Variants in KCNB2 observed in about 807,000 individuals in gnomAD.
KCNB2 encodes the protein potassium voltage-gated channel subfamily B member 2, also known as delayed rectifier potassium channel protein.
In KCNB2, 15 loss-of-function variants were observed where a neutral mutation model predicts 61.5. The observed-to-expected ratio is 0.24, with a 90% CI of 0.16 to 0.38. The LOEUF is 0.38. KCNB2 is among the 10% of genes least tolerant of loss of function. KCNB2 has a pLI of 1.00. For missense variants in KCNB2, 828 were observed against 1,125.2 expected, an observed-to-expected ratio of 0.74 and a Z score of 3.78; for synonymous variants, 457 against 446.0, an observed-to-expected ratio of 1.02 and a Z score of -0.31.
chr8:72,625,733 A>G (rs1805779786), intron 2 of KCNB2, among the ~76,000 whole-genome samples: 1 of 152,182 alleles, frequency 6.6e-6, no homozygotes, highest in Non-Finnish European at 1.5e-5. Context: ...ACCCAGAAAA[A>G]TGAGCATTTC....
intron 2 of KCNB2, among the ~76,000 whole-genome samples, chr8:72,669,667 T>C (rs1806531342): frequency 6.6e-6 from 1 of 152,204 alleles, no homozygotes; most frequent in Non-Finnish European, 1.5e-5. Flanking sequence ...TGAGAGACTG[T>C]AGTACTTTTA....
At chr8:72,779,177 C>T (rs762571744) in intron 2 of KCNB2, among the ~76,000 whole-genome samples, 9 of 152,116 alleles carry the variant, frequency 5.9e-5, no homozygotes, top group Non-Finnish European at 1.0e-4. Context: ...ATGAGAGACT[C>T]GAGAAGAGAA....
intron 2 of KCNB2, among the ~76,000 whole-genome samples, chr8:72,843,906 T>A (rs1049735984): frequency 6.6e-6 from 1 of 152,216 alleles, no homozygotes; most frequent in African/African-American, 2.4e-5. Context: ...CCAGTCTGTG[T>A]CTTTTAACTG....
chr8:72,932,564 ATTATC>A, intron 2 of KCNB2, among the ~76,000 whole-genome samples: 1 of 152,092 alleles, frequency 6.6e-6, no homozygotes, highest in African/African-American at 2.4e-5. Flanking sequence ...GAATTCCTTC[ATTATC>A]TTGTCAGCTT....
chr8:72,682,899 G>T (rs1172472016), intron 2 of KCNB2, among the ~76,000 whole-genome samples: 4 of 152,150 alleles, frequency 2.6e-5, no homozygotes, highest in Admixed American at 6.5e-5. Flanking sequence ...GAGCCACCAT[G>T]CTTAGCCTAA....
intron 2 of KCNB2, among the ~76,000 whole-genome samples, chr8:72,886,384 C>T (rs1043464889): frequency 6.6e-6 from 1 of 152,178 alleles, no homozygotes; most frequent in Non-Finnish European, 1.5e-5. Flanking sequence ...AAAAAGAAAG[C>T]CAAGCCACAC....
At chr8:72,646,934 A>G (rs1301841190) in intron 2 of KCNB2, among the ~76,000 whole-genome samples, 1 of 152,158 alleles carries the variant, frequency 6.6e-6, no homozygotes, top group African/African-American at 2.4e-5. Flanking sequence ...AGTTACAGTG[A>G]TTCTATTTTC....
At chr8:72,817,044 T>G (rs1439035772) in intron 2 of KCNB2, among the ~76,000 whole-genome samples, 1 of 152,158 alleles carries the variant, frequency 6.6e-6, no homozygotes, top group African/African-American at 2.4e-5. Flanking sequence ...CAATTTTTTG[T>G]ACACCCTGAT....
chr8:72,688,580 G>A (rs1326601818), intron 2 of KCNB2, among the ~76,000 whole-genome samples: 6 of 152,104 alleles, frequency 3.9e-5, no homozygotes, highest in Admixed American at 6.6e-5. Flanking sequence ...TAAGGGCAGA[G>A]ACCAGGGCTC....
intron 2 of KCNB2, among the ~76,000 whole-genome samples, chr8:72,901,290 G>T (rs1806089257): frequency 6.6e-6 from 1 of 152,120 alleles, no homozygotes; most frequent in Non-Finnish European, 1.5e-5. Context: ...ACAATGTTGG[G>T]CACATTTTAG....
intron 2 of KCNB2, among the ~76,000 whole-genome samples, chr8:72,591,072 T>G (rs572854934): frequency 1.3e-5 from 2 of 152,186 alleles, no homozygotes; most frequent in East Asian, 3.9e-4. Context: ...TAAAAATCCT[T>G]TACCCTTTTC....
chr8:72,919,339 C>T, intron 2 of KCNB2, among the ~76,000 whole-genome samples: 1 of 152,130 alleles, frequency 6.6e-6, no homozygotes. Flanking sequence ...TCTAAAGAGC[C>T]CCTAGGCTCC....
chr8:72,549,810 A>G (rs1806316834), intron 1 of KCNB2, among the ~76,000 whole-genome samples: 1 of 152,138 alleles, frequency 6.6e-6, no homozygotes. Context: ...TTCTCTAATC[A>G]ATCAGTATTA....
chr8:72,618,860 A>C (rs2128984013), intron 2 of KCNB2: 1 of 250,776 alleles, frequency 4.0e-6, no homozygotes, highest in Middle Eastern at 1.7e-3. Flanking sequence ...TTTTCTTCAA[A>C]GGTATGGTCT....
At chr8:72,650,121 T>C (rs1806191109) in intron 2 of KCNB2, among the ~76,000 whole-genome samples, 1 of 152,214 alleles carries the variant, frequency 6.6e-6, no homozygotes. Context: ...ACATAGTTAA[T>C]TATTTAAATG....
intron 1 of KCNB2, among the ~76,000 whole-genome samples, chr8:72,561,772 T>TATAC (rs1806535014): frequency 1.2e-4 from 3 of 24,712 alleles, no homozygotes; most frequent in Admixed American, 6.6e-4. Flanking sequence ...GATATATATA[T>TATAC]ATATGGATAT....
At chr8:72,896,975 AAT>A (rs1369280729) in intron 2 of KCNB2, among the ~76,000 whole-genome samples, 1 of 152,170 alleles carries the variant, frequency 6.6e-6, no homozygotes, top group African/African-American at 2.4e-5. Flanking sequence ...AGTAAATTGG[AAT>A]AGTCTTATGG....
Position 72,659,579 on chromosome 8 carries a change from C to T in KCNB2, c.579+91266C>T, listed in dbSNP as rs545260016. Among the ~76,000 whole-genome samples, 5 of 152,304 alleles carry T rather than the reference C, an allele frequency of 3.3e-5. 1 individual carries two copies. Among genetic ancestry groups the T allele is most frequent in the African/African-American group, 1.2e-4 (5 of 41,572 alleles). On this transcript the variant is annotated intron_variant, in intron 2 of 2. Transcript: ENST00000523207. Reference sequence around the variant, plus strand: ...CATGCTACAGAGATGCACATTGAAACTGTGAAATTTCATTGCACATTGAGA... The same window carrying T: ...CATGCTACAGAGATGCACATTGAAATTGTGAAATTTCATTGCACATTGAGA...
At chr8:72,820,364 A>G (rs1347585044) in intron 2 of KCNB2, among the ~76,000 whole-genome samples, 1 of 152,202 alleles carries the variant, frequency 6.6e-6, no homozygotes, top group Non-Finnish European at 1.5e-5. Flanking sequence ...ATTTTCCTAA[A>G]TAGTATATTT....
Sources: gnomAD v4.1 joint callset for allele counts (sites outside exome capture counted in the v4.1 genomes callset) on GRCh38, gnomAD v4.1.1 for gene constraint, MANE v1.5 for transcripts, NCBI Gene and HGNC (gene_info 2026-07-23, HGNC 2026-07-21) for gene names.